Variants in YBEY observed in about 807,000 individuals in gnomAD.
YBEY encodes ybeY metalloendoribonuclease.
In YBEY, 15 loss-of-function variants were observed where a neutral mutation model predicts 13.5. That is an observed-to-expected ratio of 1.11 (90% CI 0.75 to 1.72). The LOEUF is 1.72. YBEY is among the 40% of genes most tolerant of loss of function. The pLI is 0.00. For synonymous variants in YBEY, 101 were observed against 83.1 expected (o/e 1.21, Z -1.17); for missense variants, 244 against 208.4 (o/e 1.17, Z -1.05).
chr21:46,294,890 T>C (rs1047782196), intron 3 of YBEY, among the ~76,000 whole-genome samples: 2 of 152,214 alleles, frequency 1.3e-5, no homozygotes, highest in African/African-American at 4.8e-5. Flanking sequence ...CTGTGTGGCT[T>C]GAGGCAGAGC....
chr21:46,311,480 G>C, the YBEY span: 1 of 1,605,804 alleles, frequency 6.2e-7, no homozygotes, highest in South Asian at 1.1e-5. Flanking sequence ...CCTGACCGTT[G>C]AGTAGGGAAG....
chr21:46,297,697 C>T lies in YBEY; in HGVS notation c.*63C>T. The T allele has an allele frequency of 7.9e-7, 1 of 1,269,954 alleles. No individual in the cohort carries two copies. The highest frequency in any genetic ancestry group is 1.0e-6 in the Non-Finnish European group (1 of 997,712). The allele number at this position is 1,269,954 out of a possible 1,614,324, so 78.7% of individuals were successfully genotyped here. ...TGGAGGCTGCGGGGAGCCGGGGTCG[C>T]ACACGAATAAATAACGAATGAACGT... is the stretch of plus-strand genomic sequence containing the variant. On this transcript the variant is annotated 3_prime_UTR_variant, in exon 5 of 5. Transcript: ENST00000397701.
chr21:46,291,213 A>AG, intron 2 of YBEY, 121 bp from the exon 3 acceptor site: 1 of 1,182,684 alleles, frequency 8.5e-7, no homozygotes, highest in Non-Finnish European at 1.1e-6. Context: ...AAAAAAAAAA[A>AG]AAAGTGATTT....
At chr21:46,303,577 C>T in the YBEY span, among the ~76,000 whole-genome samples, 4 of 149,850 alleles carry the variant, frequency 2.7e-5, no homozygotes, top group Non-Finnish European at 5.9e-5. Context: ...TAAGGCCAGG[C>T]ACGGTGGCTC....
rs560009796 is a variant in YBEY at position 46,291,958 on chromosome 21, C to G, written c.339+496C>G. Reference sequence around the variant, plus strand: ...AAGCAGAAAGGCTGGAGTTATTATTCAACTCAATCTCCCAGAGAACTCAGA... The same window carrying G: ...AAGCAGAAAGGCTGGAGTTATTATTGAACTCAATCTCCCAGAGAACTCAGA... On this transcript the variant is annotated intron_variant, in intron 3 of 4. Transcript: ENST00000397701. The G allele has an allele frequency of 2.9e-5, 16 of 559,054 alleles. 1 individual carries two copies. In the African/African-American group the frequency reaches 3.3e-4, roughly 11 times the overall value. The allele number at this position is 559,054 out of a possible 1,614,324, so 34.6% of individuals were successfully genotyped here.
the YBEY span, among the ~76,000 whole-genome samples, chr21:46,312,665 C>T: frequency 5.1e-4 from 78 of 152,282 alleles, no homozygotes; most frequent in South Asian, 2.1e-3. Context: ...CCACCATGCC[C>T]GGCCTGGTCA....
At chr21:46,308,783 A>C in the YBEY span, among the ~76,000 whole-genome samples, 14 of 152,278 alleles carry the variant, frequency 9.2e-5, no homozygotes, top group South Asian at 2.9e-3. Context: ...TAATGCATAC[A>C]TGAGATAATG....
chr21:46,301,786 C>T, downstream of YBEY: 1 of 1,239,542 alleles, frequency 8.1e-7, no homozygotes, highest in Non-Finnish European at 1.0e-6. Flanking sequence ...CTGCAGGGGA[C>T]CCGGAGCAAG....
chr21:46,292,374 C>A (rs983775912), intron 3 of YBEY, among the ~76,000 whole-genome samples: 1 of 152,202 alleles, frequency 6.6e-6, no homozygotes, highest in African/African-American at 2.4e-5. Context: ...AATTCAGGCC[C>A]CTCCCATCAT....
chr21:46,311,962 C>T, the YBEY span, among the ~76,000 whole-genome samples: 2 of 55,820 alleles, frequency 3.6e-5, no homozygotes, highest in Non-Finnish European at 3.5e-5. Context: ...CATCCATCCA[C>T]CCACCCACCC....
chr21:46,291,346 G>A lies in YBEY; in HGVS notation c.223G>A (p.Gly75Ser), dbSNP rs745763388. ...SFPFHEHLKA[G>S]EFPQPDFPDD... Reference sequence around the variant, plus strand: ...CCTCATTTTTTAGCATCTGAAAGCAGGTGAATTTCCCCAGCCTGATTTTCC... The same window carrying A: ...CCTCATTTTTTAGCATCTGAAAGCAAGTGAATTTCCCCAGCCTGATTTTCC... The change falls in exon 3 of 5, where the codon GGT becomes AGT. Residue 75 changes from glycine (G) to serine (S), a missense_variant. By Grantham distance (56) the Gly-to-Ser change is moderately conservative. Coordinates refer to ENST00000397701, the MANE Select transcript of YBEY (RefSeq NM_001314025.2). The A allele has an allele frequency of 3.7e-6, 6 of 1,614,082 alleles. No individual in the cohort carries two copies. The African/African-American group carries it at 8.0e-5, about 22-fold the overall frequency.
At chr21:46,290,838 G>A (rs1273207331) in intron 2 of YBEY, among the ~76,000 whole-genome samples, 2 of 151,966 alleles carry the variant, frequency 1.3e-5, no homozygotes, top group Non-Finnish European at 2.9e-5. Flanking sequence ...CTGAGGTTGG[G>A]AGTTTGAGAC....
At chr21:46,304,355 A>C in the YBEY span, among the ~76,000 whole-genome samples, 8 of 151,512 alleles carry the variant, frequency 5.3e-5, no homozygotes, top group Non-Finnish European at 1.2e-4. Flanking sequence ...AAATTAGTTG[A>C]CTGTGCCTGT....
the YBEY span, among the ~76,000 whole-genome samples, chr21:46,303,319 A>G: frequency 6.6e-6 from 1 of 152,084 alleles, no homozygotes; most frequent in Non-Finnish European, 1.5e-5. Context: ...AGCCTGGGTA[A>G]CAGAGCAAGA....
the YBEY span, among the ~76,000 whole-genome samples, chr21:46,308,134 C>T: frequency 2.0e-5 from 3 of 151,922 alleles, no homozygotes; most frequent in Non-Finnish European, 4.4e-5. Flanking sequence ...GCTGGGACTA[C>T]AGGCATGTGC....
intron 3 of YBEY, among the ~76,000 whole-genome samples, chr21:46,294,318 G>C (rs1164240825): frequency 2.2e-5 from 2 of 91,904 alleles, no homozygotes. Context: ...CCGGGACTCA[G>C]TGGAGTCAGC....
the YBEY span, among the ~76,000 whole-genome samples, chr21:46,304,549 T>A: frequency 6.9e-6 from 1 of 144,978 alleles, no homozygotes. Flanking sequence ...AAAAGTGAAA[T>A]GCAAATTAAA....
chr21:46,289,441 G>GTTTTTTTTTTTTTTTTTTTTTTTTTTTTT (rs773002446), intron 2 of YBEY, among the ~76,000 whole-genome samples: 1 of 136,520 alleles, frequency 7.3e-6, no homozygotes, highest in Non-Finnish European at 1.6e-5. Flanking sequence ...GAAGGCAAGG[G>GTTTTTTTTTTTTTTTTTTTTTTTTTTTTT]TTTTGTTTTT....
chr21:46,299,053 T>C (rs1236550296), downstream of YBEY, among the ~76,000 whole-genome samples: 1 of 150,156 alleles, frequency 6.7e-6, no homozygotes, highest in East Asian at 1.9e-4. Flanking sequence ...CTTTCTTTTT[T>C]TTTTTTTTTT....
Sources: allele counts gnomAD v4.1 joint callset (sites outside exome capture counted in the v4.1 genomes callset), GRCh38; gene constraint gnomAD v4.1.1; transcripts MANE v1.5; gene names NCBI Gene and HGNC (gene_info 2026-07-23, HGNC 2026-07-21).